MDFIC2: variants seen among roughly 807,000 people sequenced by gnomAD.
MDFIC2 encodes the protein MyoD family inhibitor domain containing 2.
At chr3:70,267,681 G>C (rs963379239) in intron 2 of MDFIC2, among the ~76,000 whole-genome samples, 5 of 151,418 alleles carry the variant, frequency 3.3e-5, no homozygotes, top group Non-Finnish European at 7.4e-5. Context: ...CTCCCAGAGT[G>C]CTGGGATTAC....
chr3:70,282,514 A>G (rs1379684716), intron 2 of MDFIC2, among the ~76,000 whole-genome samples: 4 of 152,294 alleles, frequency 2.6e-5, no homozygotes, highest in East Asian at 1.9e-4. Context: ...TTTAGCTCTT[A>G]TCACTCAGCC....
intron 2 of MDFIC2, among the ~76,000 whole-genome samples, chr3:70,300,052 A>G (rs1303099555): frequency 6.6e-6 from 1 of 152,050 alleles, no homozygotes; most frequent in African/African-American, 2.4e-5. Flanking sequence ...TTGAAACACT[A>G]CCCATGATTT....
At chr3:70,265,610 C>T (rs1473213617) in intron 2 of MDFIC2, among the ~76,000 whole-genome samples, 1 of 152,142 alleles carries the variant, frequency 6.6e-6, no homozygotes, top group Non-Finnish European at 1.5e-5. Flanking sequence ...AACTGACTGG[C>T]AAAGGTAAGC....
chr3:70,293,483 C>G (rs1360734033), intron 2 of MDFIC2, among the ~76,000 whole-genome samples: 2 of 151,916 alleles, frequency 1.3e-5, no homozygotes, highest in African/African-American at 2.4e-5. Flanking sequence ...AAATCACAGG[C>G]GATGCTGATC....
chr3:70,206,931 C>A, intron 2 of MDFIC2, 141 bp from the exon 3 acceptor site: 1 of 388,692 alleles, frequency 2.6e-6, no homozygotes. Flanking sequence ...TTGAGCAAGA[C>A]AATTTTGAAT....
intron 2 of MDFIC2, among the ~76,000 whole-genome samples, chr3:70,290,990 T>G (rs1331385430): frequency 6.6e-6 from 1 of 152,108 alleles, no homozygotes; most frequent in Admixed American, 6.5e-5. Flanking sequence ...ACCCGGTACC[T>G]CAGATGGAAA....
At chr3:70,270,512 C>G (rs904177764) in intron 2 of MDFIC2, among the ~76,000 whole-genome samples, 2 of 152,140 alleles carry the variant, frequency 1.3e-5, no homozygotes, top group Non-Finnish European at 2.9e-5. Flanking sequence ...ACTTTAATTA[C>G]TAAAACTTTC....
At chr3:70,269,995 G>C (rs981565411) in intron 2 of MDFIC2, among the ~76,000 whole-genome samples, 1 of 152,112 alleles carries the variant, frequency 6.6e-6, no homozygotes, top group Admixed American at 6.6e-5. Flanking sequence ...AAAACAGATC[G>C]AAACAAACAA....
chr3:70,292,089 TATG>T (rs572681351), intron 2 of MDFIC2: 40 of 152,336 alleles, frequency 2.6e-4, no homozygotes, highest in Admixed American at 2.4e-3. Flanking sequence ...ATGAATACTT[TATG>T]TATTTCAGTC....
At position 70,196,719 on chromosome 3, in the gene MDFIC2, T is replaced by G. The variant is rs12637141; in HGVS notation, c.*207A>C. Among the ~76,000 whole-genome samples, 19,456 of 152,250 alleles carry G rather than the reference T, an allele frequency of 0.13. 2,000 individuals carry two copies. The highest frequency in any genetic ancestry group is 0.56 in the East Asian group (2,874 of 5,152). On this transcript the variant is annotated 3_prime_UTR_variant, in exon 4 of 4. Transcript: ENST00000567252. ...TCACATGTGATCAAGAATCTTATTT[T>G]TCAGTGAGCCATGCGGTTGTGAAAT...
rs1414809695 is a variant in MDFIC2, at chr3:70,293,808, C to T, written c.88+18078G>A. Among the ~76,000 whole-genome samples, 4 of 151,680 alleles carry T rather than the reference C, an allele frequency of 2.6e-5. No homozygotes were observed. The East Asian group carries it at 7.7e-4, about 29-fold the overall frequency. ...CTTACTGAAAGGAAAGAAAAAAGAC[C>T]TTAGGAACCTGGTTATATTTATTAA... On this transcript the variant is annotated intron_variant, in intron 2 of 3. Transcript: ENST00000567252.
At chr3:70,247,244 A>G (rs1438681720) in intron 2 of MDFIC2, among the ~76,000 whole-genome samples, 2 of 151,892 alleles carry the variant, frequency 1.3e-5, no homozygotes, top group Admixed American at 6.6e-5. Flanking sequence ...TTCCATTTTG[A>G]GATATTCTTC....
intron 2 of MDFIC2, among the ~76,000 whole-genome samples, chr3:70,269,592 C>T (rs974769293): frequency 9.2e-5 from 14 of 152,246 alleles, no homozygotes; most frequent in South Asian, 4.2e-4. Flanking sequence ...GGTTCAGGGG[C>T]TGCCCAGTTC....
chr3:70,281,644 G>C (rs551457537), intron 2 of MDFIC2, among the ~76,000 whole-genome samples: 1 of 152,082 alleles, frequency 6.6e-6, no homozygotes, highest in Admixed American at 6.6e-5. Flanking sequence ...TATGTCTCTC[G>C]GTATTTATGC....
At chr3:70,231,140 T>C (rs1701556238) in intron 2 of MDFIC2, among the ~76,000 whole-genome samples, 1 of 152,202 alleles carries the variant, frequency 6.6e-6, no homozygotes, top group African/African-American at 2.4e-5. Flanking sequence ...TTTTCGTACA[T>C]GTACGTGAAA....
At chr3:70,273,892 T>C (rs1053962648) in intron 2 of MDFIC2, among the ~76,000 whole-genome samples, 2 of 152,142 alleles carry the variant, frequency 1.3e-5, no homozygotes, top group Non-Finnish European at 2.9e-5. Flanking sequence ...AGACTTGAAC[T>C]CCTAGGCTCA....
intron 2 of MDFIC2, among the ~76,000 whole-genome samples, chr3:70,229,669 A>T (rs1701540382): frequency 6.6e-6 from 1 of 152,202 alleles, no homozygotes; most frequent in African/African-American, 2.4e-5. Context: ...AATATGGTAG[A>T]CAACTCTGAT....
At chr3:70,298,665 T>A (rs1470561694) in intron 2 of MDFIC2, among the ~76,000 whole-genome samples, 1 of 152,070 alleles carries the variant, frequency 6.6e-6, no homozygotes, top group Non-Finnish European at 1.5e-5. Context: ...GAGTAATAGG[T>A]TTAAAAATAC....
intron 2 of MDFIC2, among the ~76,000 whole-genome samples, chr3:70,221,202 A>T (rs1171981917): frequency 6.6e-6 from 1 of 152,176 alleles, no homozygotes; most frequent in Non-Finnish European, 1.5e-5. Flanking sequence ...ATACCCATTC[A>T]TCCATTCATT....
Sources: allele counts gnomAD v4.1 joint callset (sites outside exome capture counted in the v4.1 genomes callset), GRCh38; gene constraint gnomAD v4.1.1; transcripts MANE v1.5; gene names NCBI Gene and HGNC (gene_info 2026-07-23, HGNC 2026-07-21).